Variants in GPC6 observed in about 807,000 individuals in gnomAD.
GPC6 encodes glypican 6, also known as glypican-6.
A neutral mutation model predicts 55.2 loss-of-function variants in GPC6; 14 were observed. The observed-to-expected ratio is 0.25, with a 90% CI of 0.17 to 0.40. The LOEUF is 0.40. Ranked by LOEUF, GPC6 falls within the 10% of genes least tolerant of loss-of-function variation. GPC6 has a pLI of 1.00. For synonymous variants in GPC6, 278 were observed against 259.6 expected (o/e 1.07, Z -0.68); for missense variants, 641 against 708.5 (o/e 0.90, Z 1.08).
intron 4 of GPC6, among the ~76,000 whole-genome samples, chr13:94,267,090 C>G (rs765814747): frequency 4.0e-5 from 6 of 151,874 alleles, no homozygotes; most frequent in Non-Finnish European, 7.4e-5. Context: ...TTTTAAAGCC[C>G]CCGTTTTCTC....
At chr13:93,526,066 A>C (rs1881635488) in intron 1 of GPC6, among the ~76,000 whole-genome samples, 1 of 152,072 alleles carries the variant, frequency 6.6e-6, no homozygotes. Flanking sequence ...ATCTTTCTGT[A>C]AGATGAAGAC....
chr13:93,641,077 A>G (rs184691563), intron 2 of GPC6, among the ~76,000 whole-genome samples: 2 of 152,116 alleles, frequency 1.3e-5, no homozygotes, highest in Non-Finnish European at 2.9e-5. Flanking sequence ...AACATTTTGA[A>G]CACCATCCTT....
intron 1 of GPC6, among the ~76,000 whole-genome samples, chr13:93,370,506 A>T (rs1417005198): frequency 2.0e-5 from 3 of 152,112 alleles, no homozygotes; most frequent in African/African-American, 7.2e-5. Flanking sequence ...GATCCAACTC[A>T]ATAAGGATGT....
intron 4 of GPC6, among the ~76,000 whole-genome samples, chr13:94,182,127 G>A (rs968768855): frequency 2.0e-5 from 3 of 152,118 alleles, no homozygotes; most frequent in Non-Finnish European, 4.4e-5. Context: ...AACAAGGCAG[G>A]CCCTTAGGCC....
At chr13:93,779,607 G>C (rs9516286) in intron 2 of GPC6, among the ~76,000 whole-genome samples, 41,307 of 152,042 alleles carry the variant, frequency 0.27, 5,751 homozygotes, top group Non-Finnish European at 0.29. Flanking sequence ...CAATTTCAAA[G>C]AGATAGTTTG....
chr13:93,984,941 C>A (rs1594642520), intron 3 of GPC6, among the ~76,000 whole-genome samples: 1 of 152,254 alleles, frequency 6.6e-6, no homozygotes, highest in Non-Finnish European at 1.5e-5. Context: ...ACCAAACTAA[C>A]AATAAGTGAA....
chr13:93,222,509 A>T (rs912002664), upstream of GPC6, among the ~76,000 whole-genome samples: 1 of 152,154 alleles, frequency 6.6e-6, no homozygotes, highest in African/African-American at 2.4e-5. Context: ...GCATCCACCC[A>T]GTTTACTATA....
chr13:94,170,533 G>A (rs1888527004), intron 4 of GPC6, among the ~76,000 whole-genome samples: 1 of 152,180 alleles, frequency 6.6e-6, no homozygotes, highest in African/African-American at 2.4e-5. Flanking sequence ...GATTAAATCT[G>A]TTTGGAAAGT....
At chr13:93,440,527 C>A (rs1251687511) in intron 1 of GPC6, among the ~76,000 whole-genome samples, 1 of 152,162 alleles carries the variant, frequency 6.6e-6, no homozygotes, top group African/African-American at 2.4e-5. Context: ...ACCCAGGCAC[C>A]TGCTAGGTAT....
intron 1 of GPC6, among the ~76,000 whole-genome samples, chr13:93,293,245 A>T (rs1277202703): frequency 1.3e-5 from 2 of 151,884 alleles, no homozygotes; most frequent in East Asian, 3.9e-4. Context: ...TATTAGGGGG[A>T]AAAAAACAAT....
chr13:93,272,668 T>C (rs1246571193), intron 1 of GPC6, among the ~76,000 whole-genome samples: 1 of 152,112 alleles, frequency 6.6e-6, no homozygotes, highest in African/African-American at 2.4e-5. Context: ...TTTGTTCTAC[T>C]CTTATTTGGA....
intron 6 of GPC6, among the ~76,000 whole-genome samples, chr13:94,318,248 G>A (rs75983455): frequency 3.3e-5 from 5 of 152,160 alleles, no homozygotes; most frequent in Admixed American, 6.5e-5. Flanking sequence ...TTCACTATGC[G>A]AGTAGACCTA....
At position 94,224,093 on chromosome 13, in the gene GPC6, G is replaced by A. The variant is rs1274600230; in HGVS notation, c.878-62256G>A. The stretch of plus-strand genomic sequence containing the variant: ...AAGTGTAGGGCTGAAGTGCTGTCTC[G>A]TGTTCCTAAGTACAACAATGTTGTA... On this transcript the variant is annotated intron_variant, in intron 4 of 8. Coordinates refer to ENST00000377047, the MANE Select transcript of GPC6 (RefSeq NM_005708.5). Among the ~76,000 whole-genome samples, 8 of 152,012 alleles carry A rather than the reference G, an allele frequency of 5.3e-5. No homozygotes were observed. The East Asian group carries it at 5.8e-4, about 11-fold the overall frequency.
At chr13:94,324,556 G>A (rs542639174) in intron 6 of GPC6, among the ~76,000 whole-genome samples, 6 of 152,242 alleles carry the variant, frequency 3.9e-5, no homozygotes, top group South Asian at 2.1e-4. Flanking sequence ...GAATCTTGCA[G>A]CTATTTTTAT....
At chr13:93,901,456 C>T (rs990069799) in intron 3 of GPC6, among the ~76,000 whole-genome samples, 4 of 152,024 alleles carry the variant, frequency 2.6e-5, no homozygotes, top group Non-Finnish European at 4.4e-5. Flanking sequence ...AGAACAAAAA[C>T]CTTGAAAAGA....
chr13:93,731,435 CA>C lies in GPC6; in HGVS notation c.320-98718del, dbSNP rs558377767. On this transcript the variant is annotated intron_variant, in intron 2 of 8. Transcript: ENST00000377047. ...AGCTTCTGAATGGAAGGACGGTTGT[CA>C]TGGAACATTCCAGACTGCTGGAAAT... is the stretch of plus-strand genomic sequence containing the variant. Among the ~76,000 whole-genome samples the C allele has an allele frequency of 3.9e-4, 60 of 152,268 alleles. 1 individual carries two copies. Among genetic ancestry groups the C allele is most frequent in the African/African-American group, 1.4e-3 (59 of 41,560 alleles).
intron 1 of GPC6, among the ~76,000 whole-genome samples, chr13:93,422,103 G>A (rs963696098): frequency 1.3e-5 from 2 of 152,068 alleles, no homozygotes; most frequent in African/African-American, 2.4e-5. Flanking sequence ...TCCAGTTCCC[G>A]TCATTGCTTT....
intron 1 of GPC6, among the ~76,000 whole-genome samples, chr13:93,289,432 A>G (rs1473826770): frequency 6.6e-6 from 1 of 152,204 alleles, no homozygotes; most frequent in Non-Finnish European, 1.5e-5. Context: ...ACTGAAAGAC[A>G]ATCAAAAAGT....
In GPC6 at chr13:94,020,156, G is replaced by A. The variant is rs186659546; in HGVS notation, c.712-7573G>A. ...CTTCTCTTTTAACATAGGCATTTAT[G>A]GCTATAAGTTTTGGCATGTTGTGTT... On this transcript the variant is annotated intron_variant, in intron 3 of 8. Transcript: ENST00000377047. Among the ~76,000 whole-genome samples the A allele has an allele frequency of 2.0e-5, 3 of 151,984 alleles. No homozygotes were observed. The East Asian group carries it at 5.8e-4, about 29-fold the overall frequency.
Sources: allele counts gnomAD v4.1 joint callset (sites outside exome capture counted in the v4.1 genomes callset), GRCh38; gene constraint gnomAD v4.1.1; transcripts MANE v1.5; gene names NCBI Gene and HGNC (gene_info 2026-07-23, HGNC 2026-07-21).